FBXL17: variants seen among roughly 807,000 people sequenced by gnomAD.
FBXL17 encodes the protein F-box and leucine rich repeat protein 17.
Under a neutral mutation model 66.2 loss-of-function variants are expected in FBXL17, and 22 were observed. The ratio of observed to expected loss-of-function variants is 0.33; its 90% confidence interval spans 0.24 to 0.47. The LOEUF (loss-of-function observed/expected upper bound fraction) is 0.47, where lower values mean the gene tolerates loss of function less well. FBXL17 is among the 20% of genes least tolerant of loss of function. The pLI, the probability that FBXL17 is intolerant of heterozygous loss-of-function variation, is 1.00. For missense variants in FBXL17, 878 were observed against 948.2 expected (o/e 0.93, Z 0.97); for synonymous variants, 474 against 400.5 (o/e 1.18, Z -2.19).
chr5:108,319,002 T>G (rs1051383822), intron 4 of FBXL17, among the ~76,000 whole-genome samples: 1 of 151,846 alleles, frequency 6.6e-6, no homozygotes, highest in Non-Finnish European at 1.5e-5. Context: ...ATGACTGAGT[T>G]CACACATGGA....
chr5:108,376,831 G>C (rs1205676946), intron 1 of FBXL17, among the ~76,000 whole-genome samples: 1 of 149,392 alleles, frequency 6.7e-6, no homozygotes, highest in South Asian at 2.1e-4. Context: ...TCTGTTGCCA[G>C]GCTGGAGTGC....
chr5:108,069,150 G>A (rs1377112049), intron 6 of FBXL17, among the ~76,000 whole-genome samples: 1 of 152,126 alleles, frequency 6.6e-6, no homozygotes, highest in Non-Finnish European at 1.5e-5. Flanking sequence ...TATTTTGGGG[G>A]CAGAGCTAGG....
At chr5:108,267,617 T>C (rs545812449) in intron 4 of FBXL17, among the ~76,000 whole-genome samples, 22 of 152,198 alleles carry the variant, frequency 1.4e-4, no homozygotes, top group African/African-American at 5.3e-4. Context: ...ATTTTGTGCC[T>C]ATTCTGGGGC....
chr5:108,104,089 G>C (rs1749699350), intron 6 of FBXL17, among the ~76,000 whole-genome samples: 1 of 152,158 alleles, frequency 6.6e-6, no homozygotes, highest in African/African-American at 2.4e-5. Flanking sequence ...AAGCTAGAGT[G>C]CAGTGGCGCG....
At chr5:108,078,595 C>A (rs180934963) in intron 6 of FBXL17, among the ~76,000 whole-genome samples, 1 of 152,082 alleles carries the variant, frequency 6.6e-6, no homozygotes, top group Non-Finnish European at 1.5e-5. Context: ...GAGTTTGACA[C>A]CTTAAAGATC....
At chr5:108,184,969 T>A (rs1753168350) in intron 6 of FBXL17, among the ~76,000 whole-genome samples, 1 of 152,126 alleles carries the variant, frequency 6.6e-6, no homozygotes, top group East Asian at 1.9e-4. Flanking sequence ...ATGCTCATAT[T>A]TACAAATCTA....
intron 7 of FBXL17, among the ~76,000 whole-genome samples, chr5:107,963,013 A>G (rs1249273628): frequency 1.3e-5 from 2 of 152,204 alleles, no homozygotes; most frequent in Non-Finnish European, 2.9e-5. Context: ...ACTGAAAATT[A>G]TATGTTCCCA....
chr5:108,093,418 C>T (rs908756520), intron 6 of FBXL17, among the ~76,000 whole-genome samples: 13 of 152,044 alleles, frequency 8.6e-5, no homozygotes, highest in Non-Finnish European at 1.8e-4. Flanking sequence ...AAAAACAAAA[C>T]TTTATGAGGA....
intron 4 of FBXL17, among the ~76,000 whole-genome samples, chr5:108,327,329 G>A (rs74921334): frequency 5.9e-5 from 9 of 152,212 alleles, no homozygotes; most frequent in African/African-American, 1.9e-4. Context: ...CCTAAAGCCT[G>A]AACTACACCC....
intron 7 of FBXL17, among the ~76,000 whole-genome samples, chr5:107,928,454 C>A (rs1234261653): frequency 6.6e-6 from 1 of 151,654 alleles, no homozygotes; most frequent in Non-Finnish European, 1.5e-5. Flanking sequence ...ATGACCCCCA[C>A]CCCAAATACT....
chr5:107,970,164 A>G (rs1752313680), intron 7 of FBXL17, among the ~76,000 whole-genome samples: 1 of 152,134 alleles, frequency 6.6e-6, no homozygotes, highest in Admixed American at 6.6e-5. Flanking sequence ...AGTTGGGCAG[A>G]TAGAACTTTC....
At position 108,381,738 on chromosome 5, in the gene FBXL17, C is replaced by G; in HGVS notation, c.-47G>C. 7.2e-7 allele frequency: 1 copy of G among 1,383,868 alleles called. No homozygotes were observed. The highest frequency in any genetic ancestry group is 9.3e-7 in the Non-Finnish European group (1 of 1,075,288). The allele number at this position is 1,383,868 out of a possible 1,614,324, so 85.7% of individuals were successfully genotyped here. A position where few individuals can be genotyped will look rare whatever the true frequency, so the allele number is the denominator to read the frequency against. ...GACCGGGACGGGAGGGAGGGAGACC[C>G]AGAGAGGCGGGCTCCCGGCAGCGGG... On this transcript the variant is annotated 5_prime_UTR_variant, in exon 1 of 9. Coordinates refer to ENST00000542267, the MANE Select transcript of FBXL17 (RefSeq NM_001163315.3).
At chr5:108,085,308 C>T (rs540660844) in intron 6 of FBXL17, among the ~76,000 whole-genome samples, 1 of 152,268 alleles carries the variant, frequency 6.6e-6, no homozygotes, top group Admixed American at 6.5e-5. Flanking sequence ...GTAAGGTAAA[C>T]TGATTATTAT....
intron 7 of FBXL17, among the ~76,000 whole-genome samples, chr5:108,012,397 T>C (rs756995023): frequency 1.3e-5 from 2 of 152,216 alleles, no homozygotes; most frequent in Non-Finnish European, 2.9e-5. Context: ...GGCAAAGTTA[T>C]AGTGAATAAG....
Position 108,107,544 on chromosome 5 carries a change from G to A in FBXL17, c.1745+78573C>T, listed in dbSNP as rs144632162. Among the ~76,000 whole-genome samples the A allele has an allele frequency of 3.0e-3, 458 of 152,180 alleles. 1 individual carries two copies. Among genetic ancestry groups the A allele is most frequent in the African/African-American group, 0.011 (441 of 41,516 alleles). ...AAGAGAAATCTCGGCCAGGCACGGT[G>A]GCTCAAGCCTGTAATCCCAGCACTT... On this transcript the variant is annotated intron_variant, in intron 6 of 8. Transcript: ENST00000542267.
At chr5:108,363,144 ATTAAT>A (rs919173512) in intron 3 of FBXL17, among the ~76,000 whole-genome samples, 3 of 152,056 alleles carry the variant, frequency 2.0e-5, no homozygotes, top group African/African-American at 7.2e-5. Context: ...AGGTCATAAA[ATTAAT>A]TTAGTGAGTG....
At position 107,972,234 on chromosome 5, in the gene FBXL17, GAGAGGCAA is replaced by G. The variant is rs1275075505; in HGVS notation, c.1822+48683_1822+48690del. ...AAAACAAAAAGTGTACTTATTTACA[GAGAGGCAA>G]ACAGTAAACAAAATTGTATGTTGAA... is the stretch of plus-strand genomic sequence containing the variant. On this transcript the variant is annotated intron_variant, in intron 7 of 8. Coordinates refer to ENST00000542267, the MANE Select transcript of FBXL17 (RefSeq NM_001163315.3). Among the ~76,000 whole-genome samples, 18 of 152,342 alleles carry G rather than the reference GAGAGGCAA, an allele frequency of 1.2e-4. No homozygotes were observed. In the East Asian group the frequency reaches 3.5e-3, roughly 29 times the overall value.
intron 4 of FBXL17, among the ~76,000 whole-genome samples, chr5:108,320,299 T>G (rs988503454): frequency 6.6e-6 from 1 of 151,724 alleles, no homozygotes; most frequent in African/African-American, 2.4e-5. Context: ...ATTCTTACTA[T>G]TTTTAAGGGA....
intron 4 of FBXL17, among the ~76,000 whole-genome samples, chr5:108,278,635 G>T (rs1334798583): frequency 6.6e-6 from 1 of 152,210 alleles, no homozygotes; most frequent in Non-Finnish European, 1.5e-5. Flanking sequence ...GAACAGCCAG[G>T]TCAGCTGCAA....
Sources: gnomAD v4.1 joint callset for allele counts (sites outside exome capture counted in the v4.1 genomes callset) on GRCh38, gnomAD v4.1.1 for gene constraint, MANE v1.5 for transcripts, NCBI Gene and HGNC (gene_info 2026-07-23, HGNC 2026-07-21) for gene names.